GLIS3: variants seen among roughly 807,000 people sequenced by gnomAD.
GLIS3 encodes GLIS family zinc finger 3, also known as zinc finger protein GLIS3.
GLIS3 carries 53 observed loss-of-function variants against 78.6 expected under a neutral mutation model. The ratio of observed to expected loss-of-function variants is 0.67; its 90% CI spans 0.54 to 0.85. The LOEUF is 0.85. Among genes scored for constraint, GLIS3 ranks in the 40% least tolerant of loss-of-function variants. GLIS3 has a pLI of 0.00. For missense variants in GLIS3, 1,703 were observed against 1,231.1 expected, an observed-to-expected ratio of 1.38 and a Z score of -5.74; for synonymous variants, 684 against 509.9, an observed-to-expected ratio of 1.34 and a Z score of -4.60.
the GLIS3 span, among the ~76,000 whole-genome samples, chr9:4,368,268 C>G: frequency 6.6e-6 from 1 of 151,956 alleles, no homozygotes; most frequent in Non-Finnish European, 1.5e-5. Context: ...GCTTTCTCAG[C>G]CAGAAGGCAA....
intron 4 of GLIS3, among the ~76,000 whole-genome samples, chr9:3,953,795 C>CTCTATATATATATATA (rs1403671770): frequency 6.8e-5 from 5 of 73,326 alleles, no homozygotes; most frequent in African/African-American, 2.8e-4. Flanking sequence ...CTCTCTCTCT[C>CTCTATATATATATATA]TATATATATA....
At chr9:4,430,347 A>G in the GLIS3 span, among the ~76,000 whole-genome samples, 2 of 150,212 alleles carry the variant, frequency 1.3e-5, no homozygotes, top group Middle Eastern at 6.8e-3. Flanking sequence ...TTGAAACACT[A>G]TATGGGTCAC....
intron 2 of GLIS3, among the ~76,000 whole-genome samples, chr9:4,140,944 G>A (rs574730202): frequency 1.1e-3 from 165 of 152,180 alleles, no homozygotes; most frequent in Non-Finnish European, 2.0e-3. Context: ...GATTATCGGC[G>A]CGTGCCACCA....
intron 2 of GLIS3, among the ~76,000 whole-genome samples, chr9:4,233,913 T>C (rs1822491043): frequency 6.6e-6 from 1 of 152,248 alleles, no homozygotes; most frequent in African/African-American, 2.4e-5. Flanking sequence ...TGCTTCAACT[T>C]GCCCTTTTAT....
intron 9 of GLIS3, among the ~76,000 whole-genome samples, chr9:3,848,768 A>G (rs894822371): frequency 6.6e-6 from 1 of 152,190 alleles, no homozygotes; most frequent in African/African-American, 2.4e-5. Flanking sequence ...GCCATTTACA[A>G]TGTGTTTTGT....
intron 4 of GLIS3, among the ~76,000 whole-genome samples, chr9:4,079,081 G>C (rs1338196954): frequency 6.6e-6 from 1 of 152,164 alleles, no homozygotes; most frequent in Non-Finnish European, 1.5e-5. Context: ...CTAAAGGAGG[G>C]TTTCCTGCAC....
the GLIS3 span, among the ~76,000 whole-genome samples, chr9:4,430,463 C>T: frequency 0.011 from 1,729 of 152,294 alleles, 15 homozygotes; most frequent in Middle Eastern, 0.02. Flanking sequence ...TCACCTATGC[C>T]TATGTCTTTC....
At chr9:4,475,935 G>C in the GLIS3 span, among the ~76,000 whole-genome samples, 2 of 152,094 alleles carry the variant, frequency 1.3e-5, no homozygotes, top group South Asian at 2.1e-4. Context: ...TTGAAATACA[G>C]ATGGGGTCTT....
At chr9:4,356,851 G>A in the GLIS3 span, among the ~76,000 whole-genome samples, 28 of 152,306 alleles carry the variant, frequency 1.8e-4, no homozygotes, top group African/African-American at 6.5e-4. Context: ...ATGTTTGCAA[G>A]ATTACACATG....
chr9:4,284,924 A>T (rs67562342), intron 2 of GLIS3, among the ~76,000 whole-genome samples: 11,578 of 150,986 alleles, frequency 0.077, 1,003 homozygotes, highest in African/African-American at 0.22. Context: ...GTCTCAAAAA[A>T]TTTTCTAATT....
intron 2 of GLIS3, among the ~76,000 whole-genome samples, chr9:4,139,875 G>C (rs1833678744): frequency 6.6e-6 from 1 of 152,222 alleles, no homozygotes; most frequent in South Asian, 2.1e-4. Flanking sequence ...CTCACCTGCT[G>C]TTGTGTGGCC....
intron 4 of GLIS3, among the ~76,000 whole-genome samples, chr9:4,095,354 G>A (rs1829856849): frequency 6.6e-6 from 1 of 152,014 alleles, no homozygotes; most frequent in African/African-American, 2.4e-5. Context: ...GTAATGAAGG[G>A]GTTTCATAAC....
chr9:4,481,430 G>A, the GLIS3 span, among the ~76,000 whole-genome samples: 1 of 151,956 alleles, frequency 6.6e-6, no homozygotes. Context: ...GTTGCAGTGA[G>A]CCTCGCACCA....
chr9:3,958,552 T>G (rs1253877394), intron 4 of GLIS3, among the ~76,000 whole-genome samples: 1 of 152,184 alleles, frequency 6.6e-6, no homozygotes. Context: ...CATTCTTAAG[T>G]GCAGGGTCCT....
chr9:4,310,872 C>G (rs1255929760), intron 2 of GLIS3, among the ~76,000 whole-genome samples: 1 of 152,186 alleles, frequency 6.6e-6, no homozygotes, highest in Non-Finnish European at 1.5e-5. Flanking sequence ...TTACACTTCT[C>G]TACATTTTAG....
In GLIS3 at chr9:4,062,999, T is replaced by C. The variant is rs146862610; in HGVS notation, c.1710+54769A>G. On this transcript the variant is annotated intron_variant, in intron 4 of 10. Transcript: ENST00000381971. ...TGCAAACGACACAAATTCTTATTGC[T>C]GTTATATGGACCAAACACTTGGAAT... 1.9e-3 allele frequency among the ~76,000 whole-genome samples: 293 copies of C among 152,184 alleles called. 2 individuals are homozygous for C. The highest frequency in any genetic ancestry group is 6.6e-3 in the African/African-American group (274 of 41,532).
At chr9:4,471,287 C>T in the GLIS3 span, among the ~76,000 whole-genome samples, 14,437 of 152,138 alleles carry the variant, frequency 0.095, 881 homozygotes, top group Non-Finnish European at 0.13. Flanking sequence ...AAAAAGAGCC[C>T]GCATTGCCAA....
chr9:3,922,349 G>A (rs1824946435), intron 6 of GLIS3, among the ~76,000 whole-genome samples: 1 of 152,114 alleles, frequency 6.6e-6, no homozygotes. Flanking sequence ...CCAAAGTTAA[G>A]CCACTGTGAT....
chr9:4,015,324 T>C (rs1410169900), intron 4 of GLIS3, among the ~76,000 whole-genome samples: 1 of 152,166 alleles, frequency 6.6e-6, no homozygotes, highest in Non-Finnish European at 1.5e-5. Flanking sequence ...TACACTGCCT[T>C]TCCTGGAAAC....
Sources: allele counts gnomAD v4.1 joint callset (sites outside exome capture counted in the v4.1 genomes callset), GRCh38; gene constraint gnomAD v4.1.1; transcripts MANE v1.5; gene names NCBI Gene and HGNC (gene_info 2026-07-23, HGNC 2026-07-21).